RABGAP1L: variants seen among roughly 807,000 people sequenced by gnomAD.
RABGAP1L encodes the protein RAB GTPase activating protein 1 like, also known as rab GTPase-activating protein 1-like.
Under a neutral mutation model 137.7 loss-of-function variants are expected in RABGAP1L, and 63 were observed. The observed-to-expected ratio is 0.46, with a 90% CI of 0.37 to 0.56. The LOEUF (loss-of-function observed/expected upper bound fraction) is 0.56. Among genes scored for constraint, RABGAP1L ranks in the 20% least tolerant of loss-of-function variants. The pLI is 0.00. For synonymous variants in RABGAP1L, 431 were observed against 433.7 expected (o/e 0.99, Z 0.08); for missense variants, 1,095 against 1,244.0 (o/e 0.88, Z 1.80).
At chr1:174,957,418 G>A (rs1330128163) in intron 19 of RABGAP1L, 39 bp from the exon 20 acceptor site, 1 of 1,507,736 alleles carries the variant, frequency 6.6e-7, no homozygotes, top group African/African-American at 1.4e-5. Flanking sequence ...TTCATAAATG[G>A]TGTCCTTGTC....
At chr1:174,623,060 C>G (rs932854131) in intron 13 of RABGAP1L, among the ~76,000 whole-genome samples, 1 of 152,100 alleles carries the variant, frequency 6.6e-6, no homozygotes, top group African/African-American at 2.4e-5. Context: ...TTTTCACAAC[C>G]TCAGTGAACA....
chr1:174,719,853 C>T (rs1558015855), intron 17 of RABGAP1L, among the ~76,000 whole-genome samples: 1 of 152,088 alleles, frequency 6.6e-6, no homozygotes, highest in Non-Finnish European at 1.5e-5. Flanking sequence ...AGGAGTGACT[C>T]CAAATCATAA....
At chr1:174,830,071 G>A (rs1691948313) in intron 19 of RABGAP1L, among the ~76,000 whole-genome samples, 3 of 147,904 alleles carry the variant, frequency 2.0e-5, no homozygotes, top group Admixed American at 6.8e-5. Flanking sequence ...CTTAGAACAG[G>A]GCCCCTCTTT....
At chr1:174,218,379 A>G (rs1042400374) in intron 1 of RABGAP1L, among the ~76,000 whole-genome samples, 1 of 152,132 alleles carries the variant, frequency 6.6e-6, no homozygotes, top group Non-Finnish European at 1.5e-5. Flanking sequence ...TGTCTGTTAT[A>G]TAGTGTATGT....
chr1:174,618,911 A>G (rs1028190607), intron 13 of RABGAP1L, among the ~76,000 whole-genome samples: 2 of 152,254 alleles, frequency 1.3e-5, no homozygotes, highest in African/African-American at 2.4e-5. Flanking sequence ...AGACGAATGT[A>G]TAACTAGAAT....
chr1:174,257,903 A>G (rs1673256974), intron 7 of RABGAP1L, among the ~76,000 whole-genome samples: 1 of 152,190 alleles, frequency 6.6e-6, no homozygotes, highest in African/African-American at 2.4e-5. Context: ...TTATTTTAAC[A>G]ACTATTTTGC....
chr1:174,953,779 G>C (rs187073275), intron 19 of RABGAP1L, among the ~76,000 whole-genome samples: 1 of 152,254 alleles, frequency 6.6e-6, no homozygotes, highest in African/African-American at 2.4e-5. Flanking sequence ...TCAGAGCGGT[G>C]GGGAAAAACT....
chr1:174,616,546 G>T (rs931655482), intron 13 of RABGAP1L, among the ~76,000 whole-genome samples: 1 of 152,118 alleles, frequency 6.6e-6, no homozygotes, highest in African/African-American at 2.4e-5. Flanking sequence ...AATCAAATGG[G>T]GGTATTCAGA....
intron 19 of RABGAP1L, among the ~76,000 whole-genome samples, chr1:174,814,069 A>G (rs944188776): frequency 1.3e-5 from 2 of 152,134 alleles, no homozygotes; most frequent in Non-Finnish European, 2.9e-5. Context: ...TTTTTCTCCA[A>G]TATAATTTAT....
intron 11 of RABGAP1L, among the ~76,000 whole-genome samples, chr1:174,312,527 A>G (rs565813376): frequency 2.7e-3 from 406 of 152,264 alleles, no homozygotes; most frequent in Non-Finnish European, 4.4e-3. Flanking sequence ...GTAGTTTACA[A>G]ATATTTTCTC....
intron 15 of RABGAP1L, among the ~76,000 whole-genome samples, chr1:174,687,062 C>G (rs1557985350): frequency 6.6e-6 from 1 of 152,122 alleles, no homozygotes; most frequent in African/African-American, 2.4e-5. Context: ...GAATATCTCT[C>G]TGAGAAATCT....
intron 8 of RABGAP1L, among the ~76,000 whole-genome samples, chr1:174,273,184 T>C (rs1031493623): frequency 6.6e-6 from 1 of 152,102 alleles, no homozygotes; most frequent in Non-Finnish European, 1.5e-5. Context: ...ATATGCTTTC[T>C]TCTTTTTAGC....
At position 174,584,797 on chromosome 1, in the gene RABGAP1L, C is replaced by T. The variant is rs1668995348; in HGVS notation, c.1711-52578C>T. Among the ~76,000 whole-genome samples the T allele has an allele frequency of 2.0e-5, 3 of 151,600 alleles. No homozygotes were observed. In the South Asian group the frequency reaches 6.3e-4, roughly 32 times the overall value. ...ACTTCTTTTCTATCATTTTCTTCTT[C>T]CCTGTTTTTACTCCCCTACTCAAAA... is the stretch of plus-strand genomic sequence containing the variant. On this transcript the variant is annotated intron_variant, in intron 13 of 25. Transcript: ENST00000681986.
intron 14 of RABGAP1L, among the ~76,000 whole-genome samples, chr1:174,674,902 GT>G (rs1677491076): frequency 1.4e-5 from 2 of 142,756 alleles, no homozygotes; most frequent in South Asian, 2.3e-4. Flanking sequence ...AGAAGTGTCT[GT>G]TCATGTCCTT....
chr1:174,936,971 ATT>A (rs909397955), intron 19 of RABGAP1L, among the ~76,000 whole-genome samples: 9 of 101,524 alleles, frequency 8.9e-5, no homozygotes, highest in African/African-American at 2.6e-4. Flanking sequence ...TATAAGATTA[ATT>A]TTTTTTTTTT....
chr1:174,859,482 C>CAAAAAAAAAAAAAAAAAAAAAAA (rs35464065), intron 19 of RABGAP1L, among the ~76,000 whole-genome samples: 9 of 133,686 alleles, frequency 6.7e-5, no homozygotes, highest in East Asian at 3.1e-4. Flanking sequence ...GACTCCATCT[C>CAAAAAAAAAAAAAAAAAAAAAAA]AAAAAAAAAG....
chr1:174,491,086 A>C (rs563285933), intron 13 of RABGAP1L, among the ~76,000 whole-genome samples: 1 of 152,076 alleles, frequency 6.6e-6, no homozygotes, highest in Non-Finnish European at 1.5e-5. Context: ...CTGGTACCTA[A>C]GATGCAAGAC....
chr1:174,425,170 G>A (rs1053029698), intron 13 of RABGAP1L, among the ~76,000 whole-genome samples: 1 of 152,038 alleles, frequency 6.6e-6, no homozygotes, highest in African/African-American at 2.4e-5. Flanking sequence ...ATAACCAATA[G>A]ATAGTGTAGG....
intron 11 of RABGAP1L, among the ~76,000 whole-genome samples, chr1:174,351,099 A>AG (rs1362361153): frequency 1.7e-5 from 1 of 57,840 alleles, no homozygotes; most frequent in African/African-American, 5.7e-5. Flanking sequence ...GGGGAGGGGG[A>AG]GGGGTTGTTT....
Sources: gnomAD v4.1 joint callset for allele counts (sites outside exome capture counted in the v4.1 genomes callset) on GRCh38, gnomAD v4.1.1 for gene constraint, MANE v1.5 for transcripts, NCBI Gene and HGNC (gene_info 2026-07-23, HGNC 2026-07-21) for gene names.